The following TDRD12 variants were observed in gnomAD, a reference collection of about 807,000 sequenced individuals.
The protein encoded by TDRD12 is tudor domain containing 12.
Under a neutral mutation model 133.5 loss-of-function variants are expected in TDRD12, and 158 were observed. The ratio of observed to expected loss-of-function variants is 1.18; its 90% CI spans 1.04 to 1.35. TDRD12 has a LOEUF of 1.35. TDRD12 is among the 40% of genes most tolerant of loss of function. The pLI is 0.00. For synonymous variants in TDRD12, 460 were observed against 477.9 expected (o/e 0.96, Z 0.49); for missense variants, 1,443 against 1,321.3 (o/e 1.09, Z -1.43).
At chr19:32,742,662 G>A (rs1275417047) in intron 3 of TDRD12, 119 bp from the exon 4 acceptor site, 9 of 1,117,732 alleles carry the variant, frequency 8.1e-6, no homozygotes, top group East Asian at 5.3e-5. Context: ...GAAACAGAAA[G>A]AATTGTTTTT....
chr19:32,731,783 A>G, exon 2 of TDRD12: 1 of 1,551,284 alleles, frequency 6.4e-7, no homozygotes, highest in African/African-American at 1.4e-5. Flanking sequence ...TTTTTAGATC[A>G]TGATGTCGAT....
exon 13 of TDRD12, chr19:32,791,025 G>T: frequency 6.5e-7 from 1 of 1,536,244 alleles, no homozygotes. Context: ...ATCAAGCCCT[G>T]CTTAACCATT....
intron 6 of TDRD12, among the ~76,000 whole-genome samples, chr19:32,753,727 C>G (rs2145535644): frequency 6.7e-6 from 1 of 149,604 alleles, no homozygotes; most frequent in African/African-American, 2.5e-5. Flanking sequence ...CTGTGTTAGC[C>G]AGGATGGTCT....
chr19:32,799,547 G>T (rs943881820), intron 16 of TDRD12, among the ~76,000 whole-genome samples: 1 of 152,024 alleles, frequency 6.6e-6, no homozygotes, highest in African/African-American at 2.4e-5. Flanking sequence ...CTTATTTTCT[G>T]TTGGTAGGAT....
chr19:32,790,072 G>C (rs1222407786), intron 11 of TDRD12, among the ~76,000 whole-genome samples: 1 of 152,082 alleles, frequency 6.6e-6, no homozygotes, highest in South Asian at 2.1e-4. Context: ...AGTTTGCCAT[G>C]TGTGTAACCC....
At chr19:32,815,369 A>G (rs1967142040) in intron 25 of TDRD12, 79 bp from the exon 26 acceptor site, 1 of 1,216,308 alleles carries the variant, frequency 8.2e-7, no homozygotes, top group African/African-American at 1.5e-5. Context: ...TGAACCAGAG[A>G]GGCCCTGTGG....
At chr19:32,800,861 G>A in intron 18 of TDRD12, 89 bp downstream of exon 18, 2 of 1,314,746 alleles carry the variant, frequency 1.5e-6, no homozygotes, top group Non-Finnish European at 2.0e-6. Flanking sequence ...GGTTGACTCT[G>A]TGGCAGGGAA....
intron 26 of TDRD12, among the ~76,000 whole-genome samples, chr19:32,816,357 C>G (rs901181828): frequency 6.6e-6 from 1 of 152,114 alleles, no homozygotes; most frequent in Non-Finnish European, 1.5e-5. Flanking sequence ...CTCCTGATGT[C>G]GAAAAGCAGG....
At position 32,721,367 on chromosome 19, in the gene TDRD12, T is replaced by A. The variant is rs138971405; in HGVS notation, c.24+1271T>A. ...TGGACGTAGCAGATTGTGGGATTGT[T>A]TTATTTTATTTTATTATTTATTCAT... On this transcript the variant is annotated intron_variant, in intron 1 of 27. Transcript: ENST00000444215. Among the ~76,000 whole-genome samples the A allele has an allele frequency of 1.7e-4, 25 of 151,384 alleles. No individual in the cohort carries two copies. The East Asian group carries it at 4.9e-3, about 29-fold the overall frequency.
chr19:32,752,910 A>C (rs981188855), intron 6 of TDRD12, among the ~76,000 whole-genome samples: 2 of 149,748 alleles, frequency 1.3e-5, no homozygotes, highest in African/African-American at 2.5e-5. Flanking sequence ...CTCCTGCCTC[A>C]ACCTCCCGAG....
chr19:32,731,475 G>T (rs973061727), intron 1 of TDRD12, among the ~76,000 whole-genome samples: 1 of 151,912 alleles, frequency 6.6e-6, no homozygotes, highest in African/African-American at 2.4e-5. Context: ...ATATTACTAT[G>T]GATTTTTCAG....
chr19:32,738,131 C>T (rs1969282549), intron 2 of TDRD12, among the ~76,000 whole-genome samples: 1 of 151,628 alleles, frequency 6.6e-6, no homozygotes, highest in Non-Finnish European at 1.5e-5. Flanking sequence ...GAGCAAAACT[C>T]CGTCTCAAAA....
intron 26 of TDRD12, among the ~76,000 whole-genome samples, chr19:32,817,215 A>G (rs572496288): frequency 3.3e-5 from 5 of 152,314 alleles, no homozygotes; most frequent in Middle Eastern, 3.4e-3. Flanking sequence ...TGCAACCATC[A>G]TCGCTATCCA....
intron 8 of TDRD12, among the ~76,000 whole-genome samples, chr19:32,763,855 C>T (rs904770467): frequency 1.3e-5 from 2 of 152,218 alleles, no homozygotes; most frequent in African/African-American, 4.8e-5. Flanking sequence ...CTGAGTCTCT[C>T]TGTCCATCTG....
At position 32,800,787 on chromosome 19, in the gene TDRD12, A is replaced by G. The variant is rs1971365769; in HGVS notation, c.2079+15A>G. 6.6e-6 allele frequency: 10 copies of G among 1,504,112 alleles called. No homozygotes were observed. Among genetic ancestry groups the G allele is most frequent in the Admixed American group, 2.3e-5 (1 of 43,702 alleles). 93.2% of individuals were successfully genotyped at this position (1,504,112 alleles called of 1,614,324 possible). ...TAGTGTGTAAGGTGAGTCCATCTCC[A>G]TATAAAAAATGTTCTGTTTGTTTCA... On this transcript the variant is annotated intron_variant, in intron 18 of 27. Coordinates refer to ENST00000444215, the Ensembl canonical transcript of TDRD12.
At chr19:32,746,909 G>A (rs113797864) in intron 4 of TDRD12, among the ~76,000 whole-genome samples, 6 of 130,160 alleles carry the variant, frequency 4.6e-5, no homozygotes, top group Admixed American at 2.3e-4. Context: ...AGAGAGAGAG[G>A]GAGAGACTGG....
chr19:32,747,257 T>C (rs1001076092), intron 4 of TDRD12, among the ~76,000 whole-genome samples: 1 of 152,244 alleles, frequency 6.6e-6, no homozygotes, highest in Non-Finnish European at 1.5e-5. Flanking sequence ...ACATTTTTCT[T>C]TTTTAAAAAA....
intron 14 of TDRD12, among the ~76,000 whole-genome samples, chr19:32,795,857 A>G (rs1268583657): frequency 6.6e-6 from 1 of 152,160 alleles, no homozygotes; most frequent in Admixed American, 6.5e-5. Flanking sequence ...GAGCAGGAGC[A>G]GGGGAGGTGC....
chr19:32,733,469 T>C (rs1273665913), intron 2 of TDRD12, among the ~76,000 whole-genome samples: 4 of 94,696 alleles, frequency 4.2e-5, no homozygotes, highest in African/African-American at 1.9e-4. Flanking sequence ...AAACTCTGTC[T>C]CAAAAAAAAA....
Sources: gnomAD v4.1 joint callset for allele counts (sites outside exome capture counted in the v4.1 genomes callset) on GRCh38, gnomAD v4.1.1 for gene constraint, MANE v1.5 for transcripts, NCBI Gene and HGNC (gene_info 2026-07-23, HGNC 2026-07-21) for gene names.